Variants in SORD observed in about 807,000 individuals in gnomAD.
SORD encodes (R,R)-butanediol dehydrogenase.
Under a neutral mutation model 35.6 loss-of-function variants are expected in SORD, and 18 were observed. The observed-to-expected ratio is 0.51, with a 90% CI of 0.35 to 0.75. SORD has a LOEUF of 0.75. Among genes scored for constraint, SORD ranks in the 30% least tolerant of loss-of-function variants. The probability of loss-of-function intolerance (pLI) is 0.01; values close to 1 mark genes in which losing one functional copy is unlikely to be tolerated. For missense variants in SORD, 250 were observed against 390.2 expected, an observed-to-expected ratio of 0.64 and a Z score of 3.03; for synonymous variants, 106 against 152.9, an observed-to-expected ratio of 0.69 and a Z score of 2.26.
intron 3 of SORD, among the ~76,000 whole-genome samples, chr15:45,051,891 A>G (rs940860711): frequency 1.3e-5 from 2 of 152,196 alleles, no homozygotes; most frequent in Non-Finnish European, 2.9e-5. Context: ...CAATTTATGT[A>G]AAAAACATAG....
chr15:45,069,183 G>C, intron 7 of SORD, 131 bp downstream of exon 7: 1 of 171,434 alleles, frequency 5.8e-6, no homozygotes, highest in Non-Finnish European at 1.2e-5. Flanking sequence ...TGCCATCTAT[G>C]TTTTCTTTTT....
chr15:45,042,423 T>C (rs1892981610), intron 2 of SORD: 1 of 151,270 alleles, frequency 6.6e-6, no homozygotes, highest in Admixed American at 6.6e-5. Flanking sequence ...ACCGGGGAGG[T>C]GGAGATTGCA....
chr15:45,049,924 T>A lies in SORD; in HGVS notation c.265+6503T>A, dbSNP rs924699199. Among the ~76,000 whole-genome samples, 6 of 152,366 alleles carry A rather than the reference T, an allele frequency of 3.9e-5. No homozygotes were observed. In the Middle Eastern group the frequency reaches 0.01, roughly 259 times the overall value. Reference sequence around the variant, plus strand: ...TTTCTCTTGCCAGTCCTCACTTTTGTCAAAAACAAATCACAGTAAGACTGA... The same window carrying A: ...TTTCTCTTGCCAGTCCTCACTTTTGACAAAAACAAATCACAGTAAGACTGA... On this transcript the variant is annotated intron_variant, in intron 3 of 8. Coordinates refer to ENST00000267814, the MANE Select transcript of SORD (RefSeq NM_003104.6).
At chr15:45,040,963 G>C (rs1256762697) in intron 2 of SORD, among the ~76,000 whole-genome samples, 3 of 152,314 alleles carry the variant, frequency 2.0e-5, no homozygotes, top group Non-Finnish European at 4.4e-5. Context: ...GGGGTGGGAG[G>C]TGCTGCATGG....
intron 3 of SORD, among the ~76,000 whole-genome samples, chr15:45,047,735 G>A (rs998758936): frequency 6.6e-6 from 1 of 152,166 alleles, no homozygotes; most frequent in Non-Finnish European, 1.5e-5. Flanking sequence ...CCTGGCTCCT[G>A]CCACATGGCT....
chr15:45,034,139 T>A (rs1024603610), intron 1 of SORD, among the ~76,000 whole-genome samples: 6 of 151,556 alleles, frequency 4.0e-5, no homozygotes, highest in Non-Finnish European at 8.8e-5. Context: ...TTGATTTTAC[T>A]TCTTTTGTAA....
At chr15:45,036,581 C>T (rs1892871078) in intron 1 of SORD, among the ~76,000 whole-genome samples, 2 of 152,086 alleles carry the variant, frequency 1.3e-5, no homozygotes, top group Admixed American at 1.3e-4. Context: ...GTAATCCCAG[C>T]TACTTGGGAG....
At chr15:45,057,481 T>A (rs1243695893) in intron 3 of SORD, among the ~76,000 whole-genome samples, 1 of 152,194 alleles carries the variant, frequency 6.6e-6, no homozygotes, top group African/African-American at 2.4e-5. Flanking sequence ...AATAAAAGTT[T>A]TATGAATAGA....
chr15:45,069,374 G>C (rs1359061391), intron 7 of SORD, among the ~76,000 whole-genome samples: 1 of 151,528 alleles, frequency 6.6e-6, no homozygotes, highest in Non-Finnish European at 1.5e-5. Context: ...GCCCAGCTAA[G>C]TTTTTTGTAT....
intron 8 of SORD, among the ~76,000 whole-genome samples, 163 bp from the exon 9 acceptor site, chr15:45,073,202 A>C (rs1168736796): frequency 7.8e-6 from 1 of 129,032 alleles, no homozygotes; most frequent in South Asian, 2.3e-4. Context: ...CCCCTGAATC[A>C]TAAGCCATAA....
chr15:45,035,271 TC>T (rs1235369907), intron 1 of SORD, among the ~76,000 whole-genome samples: 1 of 152,124 alleles, frequency 6.6e-6, no homozygotes, highest in Non-Finnish European at 1.5e-5. Flanking sequence ...CAGTGCGAGA[TC>T]CACTGGGTGA....
chr15:45,045,025 A>G (rs545593891), intron 3 of SORD, among the ~76,000 whole-genome samples: 2 of 151,870 alleles, frequency 1.3e-5, no homozygotes, highest in African/African-American at 2.4e-5. Context: ...TAACAATTCT[A>G]TGAGATAGGC....
intron 2 of SORD, 142 bp downstream of exon 2, chr15:45,040,583 G>T (rs1892951564): frequency 1.5e-6 from 1 of 688,016 alleles, no homozygotes; most frequent in Non-Finnish European, 2.6e-6. Flanking sequence ...TTGTTAGGCT[G>T]AGAACAGAGT....
In SORD at chr15:45,023,376, A is replaced by T. The variant is rs765293296; in HGVS notation, c.66+27A>T. On this transcript the variant is annotated intron_variant, in intron 1 of 8. Transcript: ENST00000267814. The stretch of plus-strand genomic sequence containing the variant: ...TAAGCTGGGAAGGAGGGTGGGAAGC[A>T]TACCGATCCTGCCTCACTCTCCTCT... 2.6e-6 allele frequency: 4 copies of T among 1,534,770 alleles called. No individual in the cohort carries two copies. In the South Asian group the frequency reaches 3.7e-5, roughly 14 times the overall value.
chr15:45,033,083 C>T (rs1595495682), intron 1 of SORD, among the ~76,000 whole-genome samples: 2 of 151,816 alleles, frequency 1.3e-5, no homozygotes, highest in East Asian at 3.9e-4. Context: ...CCACAACTGG[C>T]AGAGTCAAGC....
At chr15:45,032,703 G>T (rs1028789656) in intron 1 of SORD, among the ~76,000 whole-genome samples, 4 of 152,094 alleles carry the variant, frequency 2.6e-5, no homozygotes, top group Non-Finnish European at 4.4e-5. Flanking sequence ...GGAGAGCTTG[G>T]GCTGGAGACC....
At chr15:45,039,022 A>G (rs1892920563) in intron 1 of SORD, among the ~76,000 whole-genome samples, 1 of 152,110 alleles carries the variant, frequency 6.6e-6, no homozygotes, top group South Asian at 2.1e-4. Context: ...AAGTTATTTA[A>G]CTTCGCAGCT....
chr15:45,069,517 C>T lies in SORD; in HGVS notation c.786+465C>T, dbSNP rs990931483. 1.5e-4 allele frequency among the ~76,000 whole-genome samples: 23 copies of T among 152,020 alleles called. 1 individual carries two copies. Among genetic ancestry groups the T allele is most frequent in the South Asian group, 1.0e-3 (5 of 4,820 alleles). The stretch of plus-strand genomic sequence containing the variant: ...TATCTCTGTTTTCTTATCTCTAGTG[C>T]GGAGACTGTACTTGAACTTGCCTTA... On this transcript the variant is annotated intron_variant, in intron 7 of 8. Transcript: ENST00000267814.
intron 1 of SORD, among the ~76,000 whole-genome samples, chr15:45,029,776 T>G (rs1892742679): frequency 6.6e-6 from 1 of 152,200 alleles, no homozygotes; most frequent in African/African-American, 2.4e-5. Context: ...TACTGAGCAA[T>G]GAAAATGGCT....
Sources: allele counts gnomAD v4.1 joint callset (sites outside exome capture counted in the v4.1 genomes callset), GRCh38; gene constraint gnomAD v4.1.1; transcripts MANE v1.5; gene names NCBI Gene and HGNC (gene_info 2026-07-23, HGNC 2026-07-21).